SASH1: variants seen among roughly 807,000 people sequenced by gnomAD.
SASH1 encodes the protein SAM and SH3 domain containing 1, also known as SAM and SH3 domain-containing protein 1.
In SASH1, 44 loss-of-function variants were observed where a neutral mutation model predicts 125.2. That is an observed-to-expected ratio of 0.35 (90% CI 0.28 to 0.45). The LOEUF (loss-of-function observed/expected upper bound fraction) is 0.45, where lower values mean the gene tolerates loss of function less well. Among genes scored for constraint, SASH1 ranks in the 20% least tolerant of loss-of-function variants. SASH1 has a pLI of 1.00. For synonymous variants in SASH1, 639 were observed against 649.1 expected, an observed-to-expected ratio of 0.98 and a Z score of 0.24; for missense variants, 1,426 against 1,614.5, an observed-to-expected ratio of 0.88 and a Z score of 2.00.
At chr6:148,334,109 A>C (rs1021536797) in intron 1 of SASH1, among the ~76,000 whole-genome samples, 6 of 142,956 alleles carry the variant, frequency 4.2e-5, no homozygotes, top group African/African-American at 1.5e-4. Flanking sequence ...GGTGTGAGCC[A>C]TCTGCAATAA....
chr6:148,307,855 C>T (rs534241674), intron 1 of SASH1, among the ~76,000 whole-genome samples: 12 of 152,150 alleles, frequency 7.9e-5, no homozygotes, highest in East Asian at 1.9e-4. Flanking sequence ...AATATTTGCA[C>T]GACAAATATA....
At chr6:148,195,522 G>A in the SASH1 span, among the ~76,000 whole-genome samples, 1 of 152,216 alleles carries the variant, frequency 6.6e-6, no homozygotes, top group Non-Finnish European at 1.5e-5. Flanking sequence ...GTAGCCTCTT[G>A]TTTTGTTAAA....
intron 4 of SASH1, among the ~76,000 whole-genome samples, chr6:148,465,938 T>C (rs1777815911): frequency 6.6e-6 from 1 of 152,210 alleles, no homozygotes; most frequent in Admixed American, 6.5e-5. Context: ...TTTTTGTTCC[T>C]GTCTCCCTCC....
chr6:148,297,816 C>A (rs893867116), intron 1 of SASH1, among the ~76,000 whole-genome samples: 1 of 151,598 alleles, frequency 6.6e-6, no homozygotes, highest in Non-Finnish European at 1.5e-5. Flanking sequence ...GGTGACAGAG[C>A]GAGACTCTAT....
intron 4 of SASH1, among the ~76,000 whole-genome samples, chr6:148,463,624 T>C (rs1011333531): frequency 6.6e-6 from 1 of 152,182 alleles, no homozygotes; most frequent in Non-Finnish European, 1.5e-5. Flanking sequence ...AATGTTTCTC[T>C]TCGTAGTGTT....
chr6:148,516,172 C>A (rs1004744712), intron 9 of SASH1, among the ~76,000 whole-genome samples: 16 of 152,200 alleles, frequency 1.1e-4, no homozygotes, highest in Non-Finnish European at 2.1e-4. Context: ...TTTATCTGGG[C>A]ACAAATCAGG....
upstream of SASH1, among the ~76,000 whole-genome samples, chr6:148,271,105 T>C (rs1236095252): frequency 6.6e-6 from 1 of 152,054 alleles, no homozygotes; most frequent in African/African-American, 2.4e-5. Flanking sequence ...AGACAGGGTT[T>C]CACCATGTTG....
the SASH1 span, among the ~76,000 whole-genome samples, chr6:148,245,098 C>T: frequency 1.3e-5 from 2 of 152,226 alleles, no homozygotes; most frequent in East Asian, 1.9e-4. Context: ...CTGCTTGATG[C>T]CTTAAAGAGG....
chr6:148,213,495 C>G, the SASH1 span, among the ~76,000 whole-genome samples: 24 of 122,930 alleles, frequency 2.0e-4, 1 homozygote, highest in East Asian at 1.1e-3. Context: ...CTGGAATTCC[C>G]TAGCCAAAGG....
chr6:148,442,237 C>A (rs1295601357), intron 4 of SASH1, among the ~76,000 whole-genome samples: 2 of 151,682 alleles, frequency 1.3e-5, no homozygotes, highest in Admixed American at 6.6e-5. Context: ...CACCAGCCCC[C>A]CGCCCCCAGC....
chr6:148,302,311 C>CAAAAA (rs1174644909), intron 1 of SASH1, among the ~76,000 whole-genome samples: 13 of 44,884 alleles, frequency 2.9e-4, no homozygotes, highest in Middle Eastern at 0.019. Flanking sequence ...GACTCCGTCT[C>CAAAAA]AAAAAAAAAA....
intron 1 of SASH1, among the ~76,000 whole-genome samples, chr6:148,302,138 AC>A (rs201987114): frequency 0.21 from 31,455 of 148,984 alleles, 3,485 homozygotes; most frequent in South Asian, 0.28. Flanking sequence ...ACATGGTGAA[AC>A]CCCGTCTCTA....
chr6:148,547,104 T>C (rs1377029903), intron 19 of SASH1, among the ~76,000 whole-genome samples: 3 of 152,224 alleles, frequency 2.0e-5, no homozygotes, highest in Non-Finnish European at 4.4e-5. Context: ...TCTTTTCTTA[T>C]TAAGTCAAGA....
intron 1 of SASH1, among the ~76,000 whole-genome samples, chr6:148,337,223 A>ATT (rs10659889): frequency 0.07 from 8,718 of 124,496 alleles, 380 homozygotes; most frequent in Middle Eastern, 0.15. Context: ...CATCCAGCTA[A>ATT]TTTTTTTTTT....
the SASH1 span, among the ~76,000 whole-genome samples, chr6:148,258,394 T>G: frequency 6.6e-6 from 1 of 152,194 alleles, no homozygotes; most frequent in East Asian, 1.9e-4. Flanking sequence ...CAATTTAGAT[T>G]CATAATTCCT....
At chr6:148,516,265 G>A (rs954115960) in intron 9 of SASH1, among the ~76,000 whole-genome samples, 28 of 151,006 alleles carry the variant, frequency 1.9e-4, no homozygotes, top group African/African-American at 2.4e-4. Flanking sequence ...CTGAGTTGCC[G>A]TTGGCCAATC....
At chr6:148,216,721 A>G in the SASH1 span, among the ~76,000 whole-genome samples, 2 of 151,312 alleles carry the variant, frequency 1.3e-5, no homozygotes, top group Non-Finnish European at 2.9e-5. Flanking sequence ...CCCTGACCTC[A>G]TCTCTTTTTT....
At chr6:148,206,090 A>G in the SASH1 span, among the ~76,000 whole-genome samples, 1 of 152,226 alleles carries the variant, frequency 6.6e-6, no homozygotes, top group African/African-American at 2.4e-5. Context: ...ATAAATAATT[A>G]AAAGATTTTC....
the SASH1 span, among the ~76,000 whole-genome samples, chr6:148,228,037 T>A: frequency 6.6e-6 from 1 of 152,160 alleles, no homozygotes; most frequent in Non-Finnish European, 1.5e-5. Flanking sequence ...AACATTACAT[T>A]TCAAGCTAGT....
Sources: gnomAD v4.1 joint callset for allele counts (sites outside exome capture counted in the v4.1 genomes callset) on GRCh38, gnomAD v4.1.1 for gene constraint, MANE v1.5 for transcripts, NCBI Gene and HGNC (gene_info 2026-07-23, HGNC 2026-07-21) for gene names.